The following ANKRD33B variants were observed in gnomAD, a reference collection of about 807,000 sequenced individuals.
The protein encoded by ANKRD33B is ankyrin repeat domain-containing protein 33B.
Under a neutral mutation model 21.5 loss-of-function variants are expected in ANKRD33B, and 6 were observed. The ratio of observed to expected loss-of-function variants is 0.28; its 90% CI spans 0.15 to 0.55. The LOEUF is 0.55. Among genes scored for constraint, ANKRD33B ranks in the 20% least tolerant of loss-of-function variants. The pLI is 0.94. For missense variants in ANKRD33B, 698 were observed against 747.2 expected, an observed-to-expected ratio of 0.93 and a Z score of 0.77; for synonymous variants, 347 against 342.4, an observed-to-expected ratio of 1.01 and a Z score of -0.15.
intron 3 of ANKRD33B, among the ~76,000 whole-genome samples, chr5:10,639,544 T>A (rs374378483): frequency 4.8e-5 from 1 of 20,816 alleles, no homozygotes; most frequent in Non-Finnish European, 8.0e-5. Context: ...GGCGGTGACG[T>A]GGAGTTGCGC....
In ANKRD33B at chr5:10,652,628, C is replaced by G. The variant is rs1737385857; in HGVS notation, c.*2515C>G. On this transcript the variant is annotated 3_prime_UTR_variant, in exon 4 of 4. Transcript: ENST00000296657. This position sits in a 1 kb window ranked among gnomAD's most constrained non-coding sequence, Gnocchi z 4.1. ...CATTTCTGGTCCTGCCCAGCTGCTA[C>G]CTCACCACAACCCATGCTCAGAGTT... is the stretch of plus-strand genomic sequence containing the variant. 1 of 157,098 alleles carries G rather than the reference C, an allele frequency of 6.4e-6. No individual in the cohort carries two copies. The highest frequency in any genetic ancestry group is 2.4e-5 in the African/African-American group (1 of 41,592). 9.7% of individuals were successfully genotyped at this position (157,098 alleles called of 1,614,324 possible).
At chr5:10,630,387 A>T (rs1736679225) in intron 2 of ANKRD33B, among the ~76,000 whole-genome samples, 1 of 152,228 alleles carries the variant, frequency 6.6e-6, no homozygotes, top group African/African-American at 2.4e-5. Context: ...GAAAGTCTGG[A>T]TAAGTACATT....
intron 3 of ANKRD33B, 122 bp from the exon 4 acceptor site, chr5:10,649,144 T>C (rs1737257996): frequency 6.3e-6 from 9 of 1,422,164 alleles, no homozygotes. Context: ...GTGCAGTCTG[T>C]TAGGAGGCTT....
intron 2 of ANKRD33B, among the ~76,000 whole-genome samples, chr5:10,632,352 C>T (rs761179429): frequency 1.2e-4 from 18 of 152,090 alleles, no homozygotes; most frequent in African/African-American, 1.9e-4. Flanking sequence ...AAGAGTCAAC[C>T]GGGAAGCACA....
At position 10,649,586 on chromosome 5, in the gene ANKRD33B, G is replaced by A. The variant is rs942133366; in HGVS notation, c.958G>A (p.Val320Met). 1 of 1,528,514 alleles carries A rather than the reference G, an allele frequency of 6.5e-7. No homozygotes were observed. Among genetic ancestry groups the A allele is most frequent in the Non-Finnish European group, 8.8e-7 (1 of 1,142,656 alleles). 94.7% of individuals were successfully genotyped at this position (1,528,514 alleles called of 1,614,324 possible). A position where few individuals can be genotyped will look rare whatever the true frequency, so the allele number is the denominator to read the frequency against. Reference sequence around the variant, plus strand: ...GACCACGAGCCTCTACAGCCCCGCCGTGGCCATCGTGTGCCAGACCGTGTG... The same window carrying A: ...GACCACGAGCCTCTACAGCCCCGCCATGGCCATCGTGTGCCAGACCGTGTG... ...RMTTSLYSPA[V>M]AIVCQTVCPE... Residue 320 changes from valine to methionine, a missense_variant, in exon 4 of 4, where the codon GTG becomes ATG. This residue lies in a region of ANKRD33B where 543 missense variants were observed against 566.5 expected (regional missense o/e 0.96). Transcript: ENST00000296657.
chr5:10,615,795 A>T (rs963091991), intron 1 of ANKRD33B, among the ~76,000 whole-genome samples: 1 of 152,220 alleles, frequency 6.6e-6, no homozygotes, highest in Non-Finnish European at 1.5e-5. Context: ...TCTCCATCCA[A>T]AGAAGTTAAA....
intron 2 of ANKRD33B, among the ~76,000 whole-genome samples, chr5:10,632,586 C>T (rs1335219236): frequency 6.6e-6 from 1 of 152,128 alleles, no homozygotes; most frequent in Non-Finnish European, 1.5e-5. Flanking sequence ...CCTCCTCCTG[C>T]CCGGGGTTGG....
In ANKRD33B at chr5:10,619,608, T is replaced by A. The variant is rs1172155572; in HGVS notation, c.496+1146T>A. Among the ~76,000 whole-genome samples, 1 of 152,118 alleles carries A rather than the reference T, an allele frequency of 6.6e-6. No individual in the cohort carries two copies. Among genetic ancestry groups the A allele is most frequent in the African/African-American group, 2.4e-5 (1 of 41,388 alleles). ...AATAGAGTGGGGGAACTCTTCAAACTTAGAAAGGGCCAGGGGCTGTGCTAA... is the reference window on the plus strand; with the variant it reads ...AATAGAGTGGGGGAACTCTTCAAACATAGAAAGGGCCAGGGGCTGTGCTAA... On this transcript the variant is annotated intron_variant, in intron 2 of 3. Coordinates refer to ENST00000296657, the MANE Select transcript of ANKRD33B (RefSeq NM_001164440.2). This position sits in a 1 kb window ranked among gnomAD's most constrained non-coding sequence, Gnocchi z 4.5.
At position 10,582,770 on chromosome 5, in the gene ANKRD33B, C is replaced by T. The variant is rs990631244; in HGVS notation, c.366+17937C>T. Among the ~76,000 whole-genome samples, 5 of 152,200 alleles carry T rather than the reference C, an allele frequency of 3.3e-5. No homozygotes were observed. In the East Asian group the frequency reaches 7.7e-4, roughly 23 times the overall value. ...CAGAGTTCCCCTCCCATGGACTTCCCGTGGGCTCCTTTGCCGCATGGCTTC... is the reference window on the plus strand; with the variant it reads ...CAGAGTTCCCCTCCCATGGACTTCCTGTGGGCTCCTTTGCCGCATGGCTTC... On this transcript the variant is annotated intron_variant, in intron 1 of 3. Coordinates refer to ENST00000296657, the MANE Select transcript of ANKRD33B (RefSeq NM_001164440.2).
intron 1 of ANKRD33B, among the ~76,000 whole-genome samples, chr5:10,584,028 C>A (rs758838990): frequency 2.0e-4 from 31 of 152,252 alleles, no homozygotes; most frequent in Non-Finnish European, 3.4e-4. Context: ...CAGTGCCCGG[C>A]GTGAGCAGCC....
intron 1 of ANKRD33B, among the ~76,000 whole-genome samples, chr5:10,594,537 T>C (rs1235456145): frequency 1.3e-5 from 2 of 152,124 alleles, no homozygotes; most frequent in African/African-American, 4.8e-5. Flanking sequence ...TTCTTCTTTC[T>C]ACTTGTTATT....
At chr5:10,577,803 G>A (rs948202280) in intron 1 of ANKRD33B, among the ~76,000 whole-genome samples, 1 of 152,224 alleles carries the variant, frequency 6.6e-6, no homozygotes, top group African/African-American at 2.4e-5. Flanking sequence ...TCTAGGAAAT[G>A]AATTCCATGT....
chr5:10,607,753 A>G (rs914780836), intron 1 of ANKRD33B, among the ~76,000 whole-genome samples: 7 of 152,344 alleles, frequency 4.6e-5, no homozygotes, highest in East Asian at 3.9e-4. Context: ...GGAATACTGA[A>G]GTCTACTTGG....
intron 2 of ANKRD33B, among the ~76,000 whole-genome samples, chr5:10,635,416 C>A (rs1736832972): frequency 6.6e-6 from 1 of 152,214 alleles, no homozygotes. Flanking sequence ...TAGCCCCTCC[C>A]CGCACATAGT....
At chr5:10,573,736 C>T (rs1194300213) in intron 1 of ANKRD33B, among the ~76,000 whole-genome samples, 4 of 152,126 alleles carry the variant, frequency 2.6e-5, no homozygotes, top group Non-Finnish European at 4.4e-5. Flanking sequence ...ACATTAAAAC[C>T]ATCAGATCTT....
chr5:10,589,322 C>T (rs947955203), intron 1 of ANKRD33B, among the ~76,000 whole-genome samples: 2 of 152,162 alleles, frequency 1.3e-5, no homozygotes, highest in Non-Finnish European at 2.9e-5. Context: ...TCCTTCCAGA[C>T]CTGTGAGTAG....
chr5:10,613,881 A>G (rs1736226123), intron 1 of ANKRD33B, among the ~76,000 whole-genome samples: 1 of 150,202 alleles, frequency 6.7e-6, no homozygotes, highest in Non-Finnish European at 1.5e-5. Context: ...GCCTGGTGAC[A>G]GAGAGAGACT....
At chr5:10,577,522 G>A (rs527439459) in intron 1 of ANKRD33B, among the ~76,000 whole-genome samples, 33 of 152,338 alleles carry the variant, frequency 2.2e-4, no homozygotes, top group African/African-American at 7.9e-4. Flanking sequence ...GTCGGGCTAT[G>A]CACAGGCAGC....
intron 2 of ANKRD33B, among the ~76,000 whole-genome samples, chr5:10,623,776 C>T (rs1444597430): frequency 2.0e-5 from 3 of 152,204 alleles, no homozygotes; most frequent in Admixed American, 1.3e-4. Flanking sequence ...CTGGGCTATC[C>T]TGAGGGCAGC....
Sources: allele counts gnomAD v4.1 joint callset (sites outside exome capture counted in the v4.1 genomes callset), GRCh38; gene constraint gnomAD v4.1.1; regional missense constraint gnomAD v4.1.1; non-coding constraint Gnocchi (gnomAD v3.1); transcripts MANE v1.5; gene names NCBI Gene and HGNC (gene_info 2026-07-23, HGNC 2026-07-21).